The following HSD17B2 variants were observed in gnomAD, a reference collection of about 807,000 sequenced individuals.
HSD17B2 encodes the protein hydroxysteroid 17-beta dehydrogenase 2.
HSD17B2 carries 32 observed loss-of-function variants against 26.9 expected under a neutral mutation model. That is an observed-to-expected ratio of 1.19 (90% CI 0.90 to 1.60). The LOEUF (loss-of-function observed/expected upper bound fraction) is 1.60. Among genes scored for constraint, HSD17B2 ranks in the 40% most tolerant of loss-of-function variants. HSD17B2 has a pLI of 0.00. For synonymous variants in HSD17B2, 246 were observed against 186.7 expected, an observed-to-expected ratio of 1.32 and a Z score of -2.59; for missense variants, 613 against 468.6, an observed-to-expected ratio of 1.31 and a Z score of -2.85.
At chr16:82,038,545 G>C (rs894638432) in intron 1 of HSD17B2, among the ~76,000 whole-genome samples, 2 of 152,080 alleles carry the variant, frequency 1.3e-5, no homozygotes, top group East Asian at 3.9e-4. Flanking sequence ...AGACAGGGTT[G>C]TATGATGCAT....
chr16:82,078,377 A>G (rs1662993298), intron 3 of HSD17B2, among the ~76,000 whole-genome samples: 2 of 152,350 alleles, frequency 1.3e-5, no homozygotes, highest in South Asian at 4.1e-4. Flanking sequence ...TCCAAAAGTC[A>G]GGCAATAACA....
At chr16:82,079,580 C>G (rs1259757943) in intron 3 of HSD17B2, among the ~76,000 whole-genome samples, 4 of 152,100 alleles carry the variant, frequency 2.6e-5, no homozygotes, top group Non-Finnish European at 5.9e-5. Context: ...TTAGTACTGC[C>G]ACATACAAAC....
chr16:82,047,881 G>A (rs940582276), intron 1 of HSD17B2, among the ~76,000 whole-genome samples: 2 of 152,232 alleles, frequency 1.3e-5, no homozygotes, highest in Non-Finnish European at 2.9e-5. Context: ...CTCAAGGAAT[G>A]AATGCATAGA....
chr16:82,090,568 C>A (rs774005265), intron 3 of HSD17B2, among the ~76,000 whole-genome samples: 9 of 152,076 alleles, frequency 5.9e-5, no homozygotes, highest in Non-Finnish European at 1.0e-4. Flanking sequence ...ATCTGCCCAC[C>A]TTGGCTTCCC....
At chr16:82,091,127 C>A in intron 4 of HSD17B2, 88 bp downstream of exon 4, 2 of 1,286,036 alleles carry the variant, frequency 1.6e-6, no homozygotes, top group Non-Finnish European at 2.3e-6. Flanking sequence ...ACATTGAACC[C>A]CTCATTGTTG....
rs1436134756 is a variant in HSD17B2, at chr16:82,097,350, T to C, written c.803-725T>C. ...TATATATATACACATTATATATGTG[T>C]ACACACACACACACACACACACACA... On this transcript the variant is annotated intron_variant, in intron 4 of 4. Coordinates refer to ENST00000199936, the MANE Select transcript of HSD17B2 (RefSeq NM_002153.3). The C allele has an allele frequency of 3.9e-5, 4 of 101,716 alleles. 1 individual carries two copies. The highest frequency in any genetic ancestry group is 7.2e-5 in the Non-Finnish European group (3 of 41,620). The allele number at this position is 101,716 out of a possible 1,614,324, so 6.3% of individuals were successfully genotyped here.
At chr16:82,036,890 G>C (rs1015455290) in intron 1 of HSD17B2, among the ~76,000 whole-genome samples, 3 of 152,146 alleles carry the variant, frequency 2.0e-5, no homozygotes, top group Non-Finnish European at 4.4e-5. Flanking sequence ...ATTTGTAAGA[G>C]AGTCTCAATT....
At chr16:82,045,403 T>C (rs1913895570) in intron 1 of HSD17B2, among the ~76,000 whole-genome samples, 1 of 152,224 alleles carries the variant, frequency 6.6e-6, no homozygotes, top group African/African-American at 2.4e-5. Context: ...GAGGTTAATT[T>C]TTCTCACATA....
At chr16:82,075,909 A>G (rs933134663) in intron 3 of HSD17B2, among the ~76,000 whole-genome samples, 1 of 1,932 alleles carries the variant, frequency 5.2e-4, no homozygotes, top group Non-Finnish European at 5.9e-3. Context: ...AATACATGTT[A>G]AAAAAAAAAA....
Position 82,098,399 on chromosome 16 carries a change from C to G in HSD17B2, c.1127C>G (p.Ala376Gly). The G allele has an allele frequency of 6.2e-7, 1 of 1,611,634 alleles. No homozygotes were observed. Among genetic ancestry groups the G allele is most frequent in the Non-Finnish European group, 8.5e-7 (1 of 1,178,482 alleles). Residue 376 changes from alanine to glycine, a missense_variant, in exon 5 of 5, where the codon GCT (alanine) becomes GGT (glycine). Physicochemically the swap from Ala to Gly is moderately conservative, Grantham distance 60 (BLOSUM62 0). Transcript: ENST00000199936. ...HFGQDKPMPRALRMPNYKKKA... is the reference protein window; with the variant it reads ...HFGQDKPMPRGLRMPNYKKKA... ...GGCCAAGACAAGCCCATGCCCAGAG[C>G]TCTAAGAATGCCTAACTACAAGAAA...
Position 82,098,192 on chromosome 16 carries a change from T to G in HSD17B2, c.920T>G (p.Leu307Arg). 1 of 1,614,104 alleles carries G rather than the reference T, an allele frequency of 6.2e-7. No individual in the cohort carries two copies. The highest frequency in any genetic ancestry group is 8.5e-7 in the Non-Finnish European group (1 of 1,180,010). Residue 307 changes from leucine to arginine, a missense_variant, in exon 5 of 5, where the codon CTC becomes CGC. Transcript: ENST00000199936. ...QDYILAQRNF[L>R]LLINSLASKD... ...TACATCTTAGCACAGCGGAATTTCC[T>G]CCTATTGATCAACTCGTTAGCCAGC...
intron 3 of HSD17B2, among the ~76,000 whole-genome samples, chr16:82,075,030 A>G (rs1038003715): frequency 2.6e-5 from 4 of 152,220 alleles, no homozygotes; most frequent in African/African-American, 9.6e-5. Context: ...CAAAACTAGA[A>G]ATAAAAGATA....
intron 2 of HSD17B2, among the ~76,000 whole-genome samples, chr16:82,068,623 TCA>T (rs1468884304): frequency 2.0e-5 from 3 of 152,162 alleles, no homozygotes; most frequent in Non-Finnish European, 4.4e-5. Flanking sequence ...CTCCAACTTC[TCA>T]GTCACTCTCC....
At chr16:82,069,547 A>G (rs925577866) in intron 2 of HSD17B2, among the ~76,000 whole-genome samples, 4 of 152,092 alleles carry the variant, frequency 2.6e-5, no homozygotes, top group African/African-American at 9.7e-5. Context: ...CTAGCTCTCC[A>G]ATCTTTCTTT....
chr16:82,089,186 T>C (rs1190206812), intron 3 of HSD17B2, among the ~76,000 whole-genome samples: 2 of 152,174 alleles, frequency 1.3e-5, no homozygotes, highest in Non-Finnish European at 2.9e-5. Flanking sequence ...TAATTTGCAT[T>C]TGTTGAACTT....
intron 1 of HSD17B2, among the ~76,000 whole-genome samples, chr16:82,047,389 G>T (rs1913965482): frequency 6.6e-6 from 1 of 152,160 alleles, no homozygotes; most frequent in Non-Finnish European, 1.5e-5. Flanking sequence ...TGTGGAAAGG[G>T]GATTAGAATC....
At chr16:82,077,113 T>G (rs1904306548) in intron 3 of HSD17B2, among the ~76,000 whole-genome samples, 1 of 152,198 alleles carries the variant, frequency 6.6e-6, no homozygotes, top group African/African-American at 2.4e-5. Flanking sequence ...ATAGATTCAA[T>G]GCAATCCATA....
intron 1 of HSD17B2, among the ~76,000 whole-genome samples, chr16:82,055,669 C>T (rs748972534): frequency 5.3e-5 from 8 of 152,202 alleles, no homozygotes; most frequent in African/African-American, 1.7e-4. Context: ...ATCCAGACAG[C>T]GTACTGTATC....
At chr16:82,037,318 C>G (rs1323874652) in intron 1 of HSD17B2, among the ~76,000 whole-genome samples, 1 of 152,174 alleles carries the variant, frequency 6.6e-6, no homozygotes, top group Admixed American at 6.5e-5. Flanking sequence ...CTCATATCAT[C>G]CTAGACAAGG....
Sources: gnomAD v4.1 joint callset for allele counts (sites outside exome capture counted in the v4.1 genomes callset) on GRCh38, gnomAD v4.1.1 for gene constraint, MANE v1.5 for transcripts, NCBI Gene and HGNC (gene_info 2026-07-23, HGNC 2026-07-21) for gene names.